RANBP17: variants seen among roughly 807,000 people sequenced by gnomAD.
RANBP17 encodes the protein RAN binding protein 17.
RANBP17 carries 158 observed loss-of-function variants against 141.2 expected under a neutral mutation model. The ratio of observed to expected loss-of-function variants is 1.12; its 90% confidence interval spans 0.98 to 1.28. The LOEUF (loss-of-function observed/expected upper bound fraction) is 1.28, where lower values mean the gene tolerates loss of function less well. Ranked by LOEUF, RANBP17 falls within the 50% of genes most tolerant of loss-of-function variation. RANBP17 has a pLI of 0.00. For missense variants in RANBP17, 1,438 were observed against 1,290.7 expected, an observed-to-expected ratio of 1.11 and a Z score of -1.75; for synonymous variants, 430 against 450.0, an observed-to-expected ratio of 0.96 and a Z score of 0.56.
intron 16 of RANBP17, among the ~76,000 whole-genome samples, chr5:171,171,875 A>G (rs1760124568): frequency 6.6e-6 from 1 of 151,990 alleles, no homozygotes; most frequent in Admixed American, 6.6e-5. Context: ...TATACATTAA[A>G]TGTTTAGATT....
rs184560490 is a variant in RANBP17, at chr5:171,016,976, T to A, written c.1710+48599T>A. On this transcript the variant is annotated intron_variant, in intron 14 of 27. Coordinates refer to ENST00000523189, the MANE Select transcript of RANBP17 (RefSeq NM_022897.5). ...TGTCCATGTTTTCTCATTGTTCAAC[T>A]CCCACTTACGTGTGAGAGCATTCGG... Among the ~76,000 whole-genome samples the A allele has an allele frequency of 1.5e-3, 216 of 143,062 alleles. 3 individuals are homozygous for A. Among genetic ancestry groups the A allele is most frequent in the South Asian group, 1.7e-3 (7 of 4,088 alleles). 93.9% of individuals were successfully genotyped at this position (143,062 alleles called of 152,430 possible).
At chr5:171,138,146 G>A (rs1237577677) in intron 14 of RANBP17, among the ~76,000 whole-genome samples, 1 of 151,970 alleles carries the variant, frequency 6.6e-6, no homozygotes, top group Admixed American at 6.6e-5. Context: ...AAACAACATA[G>A]GACTTCCAGT....
At chr5:171,026,089 T>C in intron 14 of RANBP17, among the ~76,000 whole-genome samples, 1 of 152,220 alleles carries the variant, frequency 6.6e-6, no homozygotes, top group East Asian at 1.9e-4. Flanking sequence ...GTATATTATG[T>C]CTTTTAATTA....
intron 9 of RANBP17, 93 bp from the exon 10 acceptor site, chr5:170,918,620 A>G: frequency 2.9e-6 from 3 of 1,023,688 alleles, no homozygotes; most frequent in Non-Finnish European, 2.7e-6. Context: ...TACTCATGAA[A>G]ATTGGGAGAC....
At chr5:170,882,582 CT>C (rs1182267992) in intron 3 of RANBP17, among the ~76,000 whole-genome samples, 3 of 152,146 alleles carry the variant, frequency 2.0e-5, no homozygotes, top group African/African-American at 4.8e-5. Flanking sequence ...TTCAAAGCTA[CT>C]CTACCTGTTT....
chr5:171,164,735 C>A (rs1274588196), intron 14 of RANBP17, among the ~76,000 whole-genome samples: 2 of 152,092 alleles, frequency 1.3e-5, no homozygotes, highest in East Asian at 3.9e-4. Context: ...AGATGGGTAA[C>A]TGGTTAAAAT....
At chr5:170,953,465 A>G in intron 12 of RANBP17, 132 bp from the exon 13 acceptor site, 1 of 607,468 alleles carries the variant, frequency 1.6e-6, no homozygotes, top group South Asian at 2.1e-5. Flanking sequence ...CTTTCTATCC[A>G]GAACTGAGTT....
intron 14 of RANBP17, among the ~76,000 whole-genome samples, chr5:171,112,268 AG>A (rs965904855): frequency 1.3e-5 from 2 of 152,142 alleles, no homozygotes; most frequent in African/African-American, 4.8e-5. Flanking sequence ...AAAGCCAAGA[AG>A]GGCCTGGATT....
At chr5:171,264,785 A>C (rs564360876) in intron 24 of RANBP17, among the ~76,000 whole-genome samples, 1 of 152,294 alleles carries the variant, frequency 6.6e-6, no homozygotes, top group South Asian at 2.1e-4. Flanking sequence ...TAGGACTTGA[A>C]ACCAGAACTG....
At chr5:170,975,310 C>G (rs1466862732) in intron 14 of RANBP17, among the ~76,000 whole-genome samples, 2 of 152,108 alleles carry the variant, frequency 1.3e-5, no homozygotes, top group Non-Finnish European at 2.9e-5. Flanking sequence ...GGGTAGATCA[C>G]CTGAGGTCAG....
At chr5:171,086,850 CTCT>C (rs1476443594) in intron 14 of RANBP17, among the ~76,000 whole-genome samples, 1 of 147,400 alleles carries the variant, frequency 6.8e-6, no homozygotes, top group African/African-American at 2.5e-5. Flanking sequence ...TGATTCTTCT[CTCT>C]TTTTTTCTTC....
At chr5:171,180,464 G>A (rs1760799152) in intron 16 of RANBP17, among the ~76,000 whole-genome samples, 1 of 152,268 alleles carries the variant, frequency 6.6e-6, no homozygotes, top group Admixed American at 6.5e-5. Context: ...CTGCTAAGAG[G>A]TGTTTTGAAT....
chr5:170,890,188 T>C (rs1769482219), intron 3 of RANBP17, among the ~76,000 whole-genome samples: 1 of 152,320 alleles, frequency 6.6e-6, no homozygotes, highest in South Asian at 2.1e-4. Context: ...CTGTATCCAC[T>C]GCAAGATGAA....
chr5:171,168,750 T>C (rs867807129), intron 14 of RANBP17, among the ~76,000 whole-genome samples: 11 of 152,148 alleles, frequency 7.2e-5, no homozygotes, highest in Admixed American at 7.2e-4. Flanking sequence ...AAGTCACAGA[T>C]ATATAATCAC....
chr5:170,954,063 G>A (rs557977131), intron 13 of RANBP17, among the ~76,000 whole-genome samples: 34 of 152,246 alleles, frequency 2.2e-4, no homozygotes, highest in African/African-American at 7.7e-4. Context: ...GTTACCCATC[G>A]CAGGTTTTGT....
intron 13 of RANBP17, among the ~76,000 whole-genome samples, chr5:170,965,598 G>C (rs1033308594): frequency 5.3e-5 from 8 of 152,130 alleles, no homozygotes; most frequent in African/African-American, 1.9e-4. Flanking sequence ...AAGGGATCCA[G>C]TTTCAGCTTT....
intron 14 of RANBP17, among the ~76,000 whole-genome samples, chr5:171,043,519 G>T (rs1047063638): frequency 6.6e-6 from 1 of 152,076 alleles, no homozygotes; most frequent in African/African-American, 2.4e-5. Context: ...CCATTCATTT[G>T]GGTGTTAGAT....
intron 14 of RANBP17, among the ~76,000 whole-genome samples, chr5:171,028,057 G>A (rs952560412): frequency 1.3e-5 from 2 of 151,750 alleles, no homozygotes; most frequent in African/African-American, 4.8e-5. Context: ...CAATAACATT[G>A]AAATTCCAGG....
chr5:170,963,965 G>A (rs968830159), intron 13 of RANBP17, among the ~76,000 whole-genome samples: 20 of 151,900 alleles, frequency 1.3e-4, no homozygotes, highest in African/African-American at 4.8e-4. Flanking sequence ...ATGAGCAAAC[G>A]GGTCACAGAA....
Sources: gnomAD v4.1 joint callset for allele counts (sites outside exome capture counted in the v4.1 genomes callset) on GRCh38, gnomAD v4.1.1 for gene constraint, MANE v1.5 for transcripts, NCBI Gene and HGNC (gene_info 2026-07-23, HGNC 2026-07-21) for gene names.